The following NDUFAF7 variants were observed in gnomAD, a reference collection of about 807,000 sequenced individuals.
NDUFAF7 encodes the protein protein arginine methyltransferase NDUFAF7, mitochondrial.
Under a neutral mutation model 47.2 loss-of-function variants are expected in NDUFAF7, and 48 were observed. That is an observed-to-expected ratio of 1.02 (90% CI 0.81 to 1.29). The LOEUF is 1.29. Among genes scored for constraint, NDUFAF7 ranks in the 50% most tolerant of loss-of-function variants. The pLI is 0.00. For synonymous variants in NDUFAF7, 217 were observed against 190.0 expected (o/e 1.14, Z -1.17); for missense variants, 635 against 537.6 (o/e 1.18, Z -1.79).
At chr2:37,249,598 CACACA>C (rs1202495750), downstream of NDUFAF7, among the ~76,000 whole-genome samples, 9 of 110,732 alleles carry the variant, frequency 8.1e-5, no homozygotes, top group South Asian at 8.9e-4. Context: ...CACACACACA[CACACA>C]GAGGGGAGAT....
chr2:37,261,670 C>T, the NDUFAF7 span, among the ~76,000 whole-genome samples: 2 of 152,100 alleles, frequency 1.3e-5, no homozygotes, highest in Non-Finnish European at 2.9e-5. Flanking sequence ...ATCCCAGCTA[C>T]TCGGGAGGCT....
rs1214918964 is a variant in NDUFAF7 at position 37,231,715 on chromosome 2, C to T, written c.10C>T (p.Leu4=). 6.2e-7 allele frequency: 1 copy of T among 1,614,248 alleles called. No homozygotes were observed. Among genetic ancestry groups the T allele is most frequent in the Non-Finnish European group, 8.5e-7 (1 of 1,180,046 alleles). Residue 4 remains leucine (L), a synonymous_variant, in exon 1 of 10, where the codon CTG becomes TTG. Coordinates refer to ENST00000002125, the MANE Select transcript of NDUFAF7 (RefSeq NM_144736.5). The stretch of plus-strand genomic sequence containing the variant: ...GCCTGCGAATTTCAGCATGAGTGTA[C>T]TGCTGAGGTCAGGTTTGGGGCCGTT... MSV[L]LRSGLGPLCA...
the NDUFAF7 span, chr2:37,268,615 G>C: frequency 3.8e-6 from 1 of 261,746 alleles, no homozygotes; most frequent in Non-Finnish European, 7.5e-6. Flanking sequence ...ATTTGATGGA[G>C]AAATAGGTAC....
chr2:37,253,475 A>C (rs567321618), downstream of NDUFAF7: 2 of 723,348 alleles, frequency 2.8e-6, no homozygotes, highest in Non-Finnish European at 4.4e-6. Context: ...GGCGCTACTC[A>C]TAAGTATCTA....
intron 5 of NDUFAF7, 99 bp downstream of exon 5, chr2:37,241,890 A>G (rs1666389797): frequency 9.4e-7 from 1 of 1,059,110 alleles, no homozygotes; most frequent in South Asian, 1.5e-5. Context: ...AGATTGAGTT[A>G]CTGCTGCCAA....
chr2:37,257,451 G>A (rs896978261), downstream of NDUFAF7, among the ~76,000 whole-genome samples: 1 of 152,026 alleles, frequency 6.6e-6, no homozygotes, highest in African/African-American at 2.4e-5. Flanking sequence ...GGATCACGAG[G>A]TCAGGAGATT....
the NDUFAF7 span, among the ~76,000 whole-genome samples, chr2:37,266,520 G>A: frequency 7.0e-6 from 1 of 143,706 alleles, no homozygotes; most frequent in East Asian, 2.1e-4. Context: ...GAGTTTTGCT[G>A]TTGTTGCCCA....
intron 7 of NDUFAF7, among the ~76,000 whole-genome samples, chr2:37,244,362 G>C (rs1362548004): frequency 4.6e-5 from 7 of 152,162 alleles, no homozygotes; most frequent in Non-Finnish European, 1.0e-4. Flanking sequence ...TGAGTACTTT[G>C]TGTTACTCTG....
downstream of NDUFAF7, chr2:37,254,346 TTG>T: frequency 1.5e-6 from 2 of 1,360,402 alleles, no homozygotes; most frequent in Non-Finnish European, 2.1e-6. Flanking sequence ...TACCCCAAAC[TTG>T]TGACTGCCTA....
chr2:37,264,143 T>C, the NDUFAF7 span, among the ~76,000 whole-genome samples: 1 of 152,142 alleles, frequency 6.6e-6, no homozygotes. Flanking sequence ...ACATCCTCCC[T>C]AGATGTGGCC....
the NDUFAF7 span, among the ~76,000 whole-genome samples, chr2:37,266,045 CTATTCA>C: frequency 6.6e-6 from 1 of 152,142 alleles, no homozygotes. Context: ...CATATTCATA[CTATTCA>C]TATTCAACAG....
chr2:37,247,577 C>G lies in NDUFAF7; in HGVS notation c.1058C>G (p.Pro353Arg), dbSNP rs759765468. The G allele has an allele frequency of 1.9e-6, 3 of 1,613,888 alleles. No homozygotes were observed. The highest frequency in any genetic ancestry group is 2.5e-6 in the Non-Finnish European group (3 of 1,179,944). ...MAQGKVASLG[P>R]IKQHTFLKNM... The stretch of plus-strand genomic sequence containing the variant: ...CAGGGAAAAGTAGCCTCTCTGGGCC[C>G]AATAAAACAACACACATTTTTAAAA... Residue 353 changes from proline to arginine, a missense_variant, in exon 9 of 10, where the codon CCA becomes CGA. By Grantham distance (103) the Pro-to-Arg change is moderately radical. Transcript: ENST00000002125.
intron 2 of NDUFAF7, among the ~76,000 whole-genome samples, chr2:37,233,956 C>T (rs1665479041): frequency 6.6e-6 from 1 of 152,204 alleles, no homozygotes; most frequent in Admixed American, 6.5e-5. Flanking sequence ...ATACCTGTGA[C>T]TTTGTCATCT....
In NDUFAF7 at chr2:37,231,773, C is replaced by A. The variant is rs761081910; in HGVS notation, c.55+13C>A. The A allele has an allele frequency of 1.2e-6, 2 of 1,613,964 alleles. No individual in the cohort carries two copies. Among genetic ancestry groups the A allele is most frequent in the African/African-American group, 2.7e-5 (2 of 74,912 alleles). Reference sequence around the variant, plus strand: ...GTGGCGCGCGCAGGTAAGCGTCAGTCCCCTCGAAGCCCGGTTGCCGTGGAA... The same window carrying A: ...GTGGCGCGCGCAGGTAAGCGTCAGTACCCTCGAAGCCCGGTTGCCGTGGAA... On this transcript the variant is annotated intron_variant, in intron 1 of 9. Transcript: ENST00000002125.
At chr2:37,240,025 G>A (rs1666196716) in intron 4 of NDUFAF7, among the ~76,000 whole-genome samples, 1 of 152,106 alleles carries the variant, frequency 6.6e-6, no homozygotes, top group Non-Finnish European at 1.5e-5. Flanking sequence ...GAGGACAGTT[G>A]TTTATAGTAC....
chr2:37,248,294 C>A lies in NDUFAF7; in HGVS notation c.1270C>A (p.Gln424Lys). The change falls in exon 10 of 10, where the codon CAG (glutamine) becomes AAG (lysine). Residue 424 changes from glutamine (Q) to lysine (K), a missense_variant. By Grantham distance (53) the Gln-to-Lys change is moderately conservative. Coordinates refer to ENST00000002125, the MANE Select transcript of NDUFAF7 (RefSeq NM_144736.5). ...QGGRYQRNAR[Q>K]SKPFASVVAG... ...TGGAAGATATCAGAGGAATGCACGT[C>A]AGTCAAAACCCTTTGCATCCGTTGT... 1.2e-6 allele frequency: 2 copies of A among 1,614,164 alleles called. No individual in the cohort carries two copies. Among genetic ancestry groups the A allele is most frequent in the Non-Finnish European group, 1.7e-6 (2 of 1,180,008 alleles).
At chr2:37,268,023 G>A in the NDUFAF7 span, 1 of 186,950 alleles carries the variant, frequency 5.3e-6, no homozygotes, top group Non-Finnish European at 1.1e-5. Context: ...TTAAAAAAAG[G>A]TAGAAGTTTA....
chr2:37,234,282 G>A (rs552060275), intron 2 of NDUFAF7, among the ~76,000 whole-genome samples: 41 of 152,178 alleles, frequency 2.7e-4, no homozygotes, highest in African/African-American at 9.6e-4. Flanking sequence ...AATGGAGATC[G>A]GGTTTTGCCT....
At chr2:37,253,547 C>CA (rs368578022), downstream of NDUFAF7, 6 of 484,078 alleles carry the variant, frequency 1.2e-5, no homozygotes, top group South Asian at 4.7e-5. Context: ...TTTTCAAACT[C>CA]AGAGTCTCCA....
Sources: allele counts gnomAD v4.1 joint callset (sites outside exome capture counted in the v4.1 genomes callset), GRCh38; gene constraint gnomAD v4.1.1; transcripts MANE v1.5; gene names NCBI Gene and HGNC (gene_info 2026-07-23, HGNC 2026-07-21).